The following ZNF484 variants were observed in gnomAD, a reference collection of about 807,000 sequenced individuals.
ZNF484 encodes KRAB box containing C2H2 type zinc finger bA526D8.4.
Under a neutral mutation model 12.9 loss-of-function variants are expected in ZNF484, and 11 were observed. The ratio of observed to expected loss-of-function variants is 0.85; its 90% CI spans 0.54 to 1.41. ZNF484 has a LOEUF of 1.41. ZNF484 is among the 40% of genes most tolerant of loss of function. The pLI is 0.00. For synonymous variants in ZNF484, 289 were observed against 334.1 expected, an observed-to-expected ratio of 0.86 and a Z score of 1.47; for missense variants, 807 against 1,007.7, an observed-to-expected ratio of 0.80 and a Z score of 2.70.
chr9:92,853,189 T>G (rs1203245356), intron 4 of ZNF484, among the ~76,000 whole-genome samples: 5 of 152,162 alleles, frequency 3.3e-5, no homozygotes, highest in Non-Finnish European at 5.9e-5. Flanking sequence ...ATTAGAATAA[T>G]CTAGGCATGA....
chr9:92,873,543 T>C (rs542168730), intron 2 of ZNF484, among the ~76,000 whole-genome samples: 2 of 152,156 alleles, frequency 1.3e-5, no homozygotes, highest in Non-Finnish European at 2.9e-5. Context: ...AAAAAAGAAA[T>C]CTCTAGGCCC....
intron 2 of ZNF484, among the ~76,000 whole-genome samples, chr9:92,868,781 C>T (rs1311730953): frequency 2.0e-5 from 3 of 152,186 alleles, no homozygotes; most frequent in Admixed American, 6.5e-5. Flanking sequence ...CCAGAGAGGG[C>T]ATTAATCTAT....
At position 92,847,231 on chromosome 9, in the gene ZNF484, G is replaced by T. The variant is rs756419072; in HGVS notation, c.1556C>A (p.Thr519Asn). Residue 519 changes from threonine to asparagine, a missense_variant, in exon 5 of 5, where the codon ACT becomes AAT. Physicochemically the swap from Thr to Asn is moderately conservative, Grantham distance 65. Coordinates refer to ENST00000375495, the MANE Select transcript of ZNF484 (RefSeq NM_031486.4). ...SNLIKHQKIH[T>N]GEKPYKCSDC... ...GCTGCATTTATAAGGTTTCTCTCCAGTATGAATTTTTTGGTGCTTAATGAG... is the reference window on the plus strand; with the variant it reads ...GCTGCATTTATAAGGTTTCTCTCCATTATGAATTTTTTGGTGCTTAATGAG... 2 of 1,614,132 alleles carry T rather than the reference G, an allele frequency of 1.2e-6. No homozygotes were observed. The highest frequency in any genetic ancestry group is 3.3e-5 in the Admixed American group (2 of 60,022).
intron 4 of ZNF484, among the ~76,000 whole-genome samples, chr9:92,852,208 T>C (rs1856133266): frequency 6.6e-6 from 1 of 152,212 alleles, no homozygotes; most frequent in South Asian, 2.1e-4. Flanking sequence ...TTTCTGGAGG[T>C]TGTATGCTGC....
intron 2 of ZNF484, among the ~76,000 whole-genome samples, chr9:92,874,531 G>C (rs1163134766): frequency 1.3e-5 from 2 of 151,866 alleles, no homozygotes; most frequent in Non-Finnish European, 2.9e-5. Flanking sequence ...AGGTTGGTCT[G>C]GAACTCCTGA....
At chr9:92,853,476 T>C (rs553331465) in intron 4 of ZNF484, among the ~76,000 whole-genome samples, 1 of 152,314 alleles carries the variant, frequency 6.6e-6, no homozygotes, top group East Asian at 1.9e-4. Flanking sequence ...ATAGGGCCAA[T>C]GCCTGACTGA....
intron 2 of ZNF484, chr9:92,862,246 G>T: frequency 1.8e-6 from 1 of 558,878 alleles, no homozygotes; most frequent in Non-Finnish European, 2.3e-6. Context: ...GGAATTACCT[G>T]CCATATATTT....
Position 92,878,018 on chromosome 9 carries a change from G to A in ZNF484, c.-159C>T. 2 of 683,758 alleles carry A rather than the reference G, an allele frequency of 2.9e-6. No homozygotes were observed. Among genetic ancestry groups the A allele is most frequent in the Non-Finnish European group, 4.8e-6 (2 of 419,482 alleles). The allele number at this position is 683,758 out of a possible 1,614,324, so 42.4% of individuals were successfully genotyped here. A position where few individuals can be genotyped will look rare whatever the true frequency, so the allele number is the denominator to read the frequency against. ...CCCAGGCCTAGAGGTACTTCTTACAGCGCTGCCTGGGTTTGCGCATGCTCA... is the reference window on the plus strand; with the variant it reads ...CCCAGGCCTAGAGGTACTTCTTACAACGCTGCCTGGGTTTGCGCATGCTCA... On this transcript the variant is annotated 5_prime_UTR_variant, in exon 1 of 5. Coordinates refer to ENST00000375495, the MANE Select transcript of ZNF484 (RefSeq NM_031486.4).
intron 2 of ZNF484, among the ~76,000 whole-genome samples, chr9:92,872,029 G>C (rs1351311097): frequency 6.6e-6 from 1 of 152,126 alleles, no homozygotes; most frequent in Non-Finnish European, 1.5e-5. Context: ...TTGGGAGTTT[G>C]AGACCAGCCT....
chr9:92,874,969 A>G (rs1301755903), intron 2 of ZNF484, 46 bp downstream of exon 2: 1 of 1,598,278 alleles, frequency 6.3e-7, no homozygotes, highest in Non-Finnish European at 8.6e-7. Flanking sequence ...ATCCACTAAA[A>G]GTAAAAGAAA....
chr9:92,849,727 G>A (rs573056398), intron 4 of ZNF484, among the ~76,000 whole-genome samples: 222 of 152,196 alleles, frequency 1.5e-3, no homozygotes, highest in Non-Finnish European at 2.6e-3. Flanking sequence ...GGTGTTTGAA[G>A]CTGCAGTGAG....
chr9:92,871,790 T>C (rs1857447418), intron 2 of ZNF484, among the ~76,000 whole-genome samples: 1 of 152,222 alleles, frequency 6.6e-6, no homozygotes, highest in Non-Finnish European at 1.5e-5. Flanking sequence ...TTCCCAGAAA[T>C]TGTGAATATG....
Position 92,847,834 on chromosome 9 carries a change from C to A in ZNF484, c.953G>T (p.Arg318Leu). The A allele has an allele frequency of 6.2e-7, 1 of 1,614,078 alleles. No homozygotes were observed. The change falls in exon 5 of 5, where the codon CGT (arginine) becomes CTT (leucine). Residue 318 changes from arginine (R) to leucine (L), a missense_variant. Transcript: ENST00000375495. ...ATTCCCCTCATAAGGAGTTTTCTGA[C>A]GGTTTGACTTGAGGGAAAAATCCTT... is the stretch of plus-strand genomic sequence containing the variant. ...YEKDFSLKSN[R>L]QKTPYEGNYY...
chr9:92,859,933 C>T (rs1027165256), intron 2 of ZNF484, among the ~76,000 whole-genome samples: 6 of 152,158 alleles, frequency 3.9e-5, no homozygotes, highest in Non-Finnish European at 7.4e-5. Flanking sequence ...ACTTACTTCT[C>T]CCAGCAATGA....
intron 3 of ZNF484, 39 bp from the exon 4 acceptor site, chr9:92,855,942 CCATA>C: frequency 6.2e-7 from 1 of 1,602,342 alleles, no homozygotes. Flanking sequence ...ATTTCAGAGG[CCATA>C]CAATGAAGCA....
rs1855558775 is a variant in ZNF484, at chr9:92,845,986, G to T, written c.*242C>A. 3 of 511,764 alleles carry T rather than the reference G, an allele frequency of 5.9e-6. No homozygotes were observed. The highest frequency in any genetic ancestry group is 1.0e-5 in the Non-Finnish European group (3 of 289,586). The allele number at this position is 511,764 out of a possible 1,614,324, so 31.7% of individuals were successfully genotyped here. ...TTTTGCGGGTCAATATTGAATAGTT[G>T]TGGTACCCAGAACATGAAAAACTCA... On this transcript the variant is annotated 3_prime_UTR_variant, in exon 5 of 5. Transcript: ENST00000375495. The surrounding 1 kb of genome is among the most constrained non-coding windows in gnomAD (Gnocchi z 4.0).
At chr9:92,853,592 G>A (rs1203666674) in intron 4 of ZNF484, among the ~76,000 whole-genome samples, 2 of 152,132 alleles carry the variant, frequency 1.3e-5, no homozygotes, top group African/African-American at 4.8e-5. Context: ...AGATTATGCT[G>A]GGCTGAGACA....
rs965958611 is a variant in ZNF484 at position 92,848,152 on chromosome 9, G to C, written c.635C>G (p.Thr212Ser). The change falls in exon 5 of 5, where the codon ACT (threonine) becomes AGT (serine). Residue 212 changes from threonine (T) to serine (S), a missense_variant. Thr to Ser is a moderately conservative substitution (Grantham distance 58, BLOSUM62 1). Transcript: ENST00000375495. This position sits in a 1 kb window ranked among gnomAD's most constrained non-coding sequence, Gnocchi z 4.1. ...CACTTCTGTATGAGAATTCAAATGA[G>C]TGAAAATATCACCATCTCCAATAGT... Reference protein sequence around the residue: ...DKTIGDGDIFTHLNSHTEVTA... With the variant: ...DKTIGDGDIFSHLNSHTEVTA... The C allele has an allele frequency of 1.2e-6, 2 of 1,614,128 alleles. No homozygotes were observed. The highest frequency in any genetic ancestry group is 1.7e-6 in the Non-Finnish European group (2 of 1,180,032).
chr9:92,877,565 T>C (rs1857899928), intron 1 of ZNF484, among the ~76,000 whole-genome samples: 1 of 126,918 alleles, frequency 7.9e-6, no homozygotes, highest in Non-Finnish European at 1.7e-5. Flanking sequence ...GAGAGGAAAC[T>C]AATTAAGATG....
Sources: allele counts gnomAD v4.1 joint callset (sites outside exome capture counted in the v4.1 genomes callset), GRCh38; gene constraint gnomAD v4.1.1; non-coding constraint Gnocchi (gnomAD v3.1); transcripts MANE v1.5; gene names NCBI Gene and HGNC (gene_info 2026-07-23, HGNC 2026-07-21).